The following PEPD variants were observed in gnomAD, a reference collection of about 807,000 sequenced individuals.
PEPD encodes the protein peptidase D.
PEPD carries 53 observed loss-of-function variants against 60.7 expected under a neutral mutation model. That is an observed-to-expected ratio of 0.87 (90% CI 0.70 to 1.10). The LOEUF (loss-of-function observed/expected upper bound fraction) is 1.10. Among genes scored for constraint, PEPD ranks in the 50% least tolerant of loss-of-function variants. PEPD has a pLI of 0.00. For synonymous variants in PEPD, 267 were observed against 284.1 expected, an observed-to-expected ratio of 0.94 and a Z score of 0.60; for missense variants, 711 against 711.9, an observed-to-expected ratio of 1.00 and a Z score of 0.01.
intron 9 of PEPD, among the ~76,000 whole-genome samples, chr19:33,427,446 C>T (rs948598053): frequency 1.3e-5 from 2 of 152,214 alleles, no homozygotes; most frequent in Admixed American, 6.5e-5. Context: ...TTTGGCTCCA[C>T]AGAGGATGGG....
chr19:33,501,743 C>T (rs116123735), intron 3 of PEPD, among the ~76,000 whole-genome samples: 1,702 of 152,134 alleles, frequency 0.011, 35 homozygotes, highest in African/African-American at 0.039. Flanking sequence ...CGTTCTGTCA[C>T]CCAGGCTGGA....
rs200446480 is a variant in PEPD, at chr19:33,391,278, G to A, written c.1152+17C>T. 2.8e-4 allele frequency: 454 copies of A among 1,604,012 alleles called. 5 individuals carry two copies. In the African/African-American group the frequency reaches 5.4e-3, roughly 19 times the overall value. Reference sequence around the variant, plus strand: ...AGCTGATGGGCAGGCCACTCCGCCTGCCATGTCCACACTGACCTCTGGGTA... The same window carrying A: ...AGCTGATGGGCAGGCCACTCCGCCTACCATGTCCACACTGACCTCTGGGTA... On this transcript the variant is annotated intron_variant, in intron 13 of 14. Transcript: ENST00000244137.
intron 9 of PEPD, among the ~76,000 whole-genome samples, chr19:33,414,083 G>A (rs75798014): frequency 0.023 from 3,439 of 152,328 alleles, 61 homozygotes; most frequent in South Asian, 0.068. Context: ...TGCCAGGAGG[G>A]GCTGGATCTA....
At chr19:33,481,549 A>G (rs191885133) in intron 6 of PEPD, among the ~76,000 whole-genome samples, 291 of 152,082 alleles carry the variant, frequency 1.9e-3, no homozygotes, top group African/African-American at 6.7e-3. Flanking sequence ...CTGGGTGACA[A>G]GAGTGAAACT....
intron 3 of PEPD, among the ~76,000 whole-genome samples, chr19:33,507,779 A>T (rs1970841207): frequency 1.3e-5 from 2 of 152,060 alleles, no homozygotes; most frequent in African/African-American, 2.4e-5. Context: ...AGTCCCACAT[A>T]GTCAACCCCG....
In PEPD at chr19:33,464,018, G is replaced by A; in HGVS notation, c.593C>T (p.Thr198Ile). 1 of 1,613,114 alleles carries A rather than the reference G, an allele frequency of 6.2e-7. No homozygotes were observed. Among genetic ancestry groups the A allele is most frequent in the Middle Eastern group, 1.7e-4 (1 of 6,060 alleles). The change falls in exon 8 of 15, where the codon ACC becomes ATC. Residue 198 changes from threonine to isoleucine, a missense_variant. Transcript: ENST00000244137. Reference protein sequence around the residue: ...TDMELEVLRYTNKISSEAHRE... With the variant: ...TDMELEVLRYINKISSEAHRE... ...GTGGGCCTCGCTGGAGATTTTATTG[G>A]TATAGCGCAGAACCTCCAGCTCCAT...
In PEPD at chr19:33,395,628, C is replaced by T. The variant is rs564135430; in HGVS notation, c.968-4149G>A. On this transcript the variant is annotated intron_variant, in intron 12 of 14. Transcript: ENST00000244137. ...GCACCCGCTCCTGCTGGGCCTAGGG[C>T]CCAGGCCAGCTCCTTGGAGCCTCAA... 7.9e-5 allele frequency among the ~76,000 whole-genome samples: 12 copies of T among 152,322 alleles called. No homozygotes were observed. In the South Asian group the frequency reaches 2.5e-3, roughly 32 times the overall value.
intron 9 of PEPD, among the ~76,000 whole-genome samples, chr19:33,438,226 G>C (rs768743087): frequency 3.6e-4 from 55 of 152,320 alleles, no homozygotes; most frequent in Admixed American, 1.8e-3. Context: ...AGAGCCACCT[G>C]CTTGCTGGGC....
chr19:33,516,640 G>A (rs1391810278), intron 1 of PEPD, among the ~76,000 whole-genome samples: 1 of 152,074 alleles, frequency 6.6e-6, no homozygotes, highest in African/African-American at 2.4e-5. Context: ...ACAGCCACGT[G>A]CAGGGCTCTT....
chr19:33,487,014 C>T (rs768343829), intron 6 of PEPD: 9 of 152,404 alleles, frequency 5.9e-5, no homozygotes, highest in Non-Finnish European at 1.3e-4. Context: ...TTCATCAGAG[C>T]AGTGAGAGGC....
rs772520514 is a variant in PEPD, at chr19:33,512,715, G to A, written c.79C>T (p.Arg27Trp). The A allele has an allele frequency of 1.2e-5, 19 of 1,613,984 alleles. No homozygotes were observed. In the Admixed American group the frequency reaches 1.7e-4, roughly 14 times the overall value. Reference sequence around the variant, plus strand: ...CGCAGCCGCTCACACAGGCGCTGCCGGTTCAAGGCAAAGAGCGCCAGCGGC... The same window carrying A: ...CGCAGCCGCTCACACAGGCGCTGCCAGTTCAAGGCAAAGAGCGCCAGCGGC... ...KVPLALFALN[R>W]QRLCERLRKN... Residue 27 changes from arginine (R) to tryptophan (W), a missense_variant, in exon 2 of 15, where the codon CGG (arginine) becomes TGG (tryptophan). By Grantham distance (101) the Arg-to-Trp change is moderately radical. Coordinates refer to ENST00000244137, the MANE Select transcript of PEPD (RefSeq NM_000285.4).
At chr19:33,512,471 G>C (rs1475660633) in intron 2 of PEPD, 122 bp downstream of exon 2, 2 of 937,468 alleles carry the variant, frequency 2.1e-6, no homozygotes, top group African/African-American at 3.2e-5. Flanking sequence ...CCCAGGCGAG[G>C]AAACAGAGGC....
intron 12 of PEPD, among the ~76,000 whole-genome samples, chr19:33,392,397 C>G (rs1968245069): frequency 6.6e-6 from 1 of 152,242 alleles, no homozygotes; most frequent in South Asian, 2.1e-4. Context: ...AGCCTCTCCT[C>G]ATGGTAGCTT....
At chr19:33,428,982 T>C (rs1032112623) in intron 9 of PEPD, among the ~76,000 whole-genome samples, 3 of 152,166 alleles carry the variant, frequency 2.0e-5, no homozygotes, top group African/African-American at 7.2e-5. Context: ...AGCCCTGTGT[T>C]CACTCTGCTT....
intron 6 of PEPD, 49 bp from the exon 7 acceptor site, chr19:33,478,139 T>C: frequency 7.5e-7 from 1 of 1,328,496 alleles, no homozygotes; most frequent in Non-Finnish European, 1.1e-6. Flanking sequence ...GTCTGTCATG[T>C]CCCAGCAAGA....
At chr19:33,396,500 G>A (rs1008250374) in intron 12 of PEPD, among the ~76,000 whole-genome samples, 7 of 152,166 alleles carry the variant, frequency 4.6e-5, no homozygotes, top group Admixed American at 2.6e-4. Flanking sequence ...ACCTCACATT[G>A]GCAGCACCCC....
At chr19:33,442,055 T>C (rs532059189) in intron 9 of PEPD, among the ~76,000 whole-genome samples, 1 of 152,330 alleles carries the variant, frequency 6.6e-6, no homozygotes, top group South Asian at 2.1e-4. Context: ...TGGTGTGATC[T>C]TGGACAGGTT....
At chr19:33,490,180 A>G in intron 5 of PEPD, 123 bp from the exon 6 acceptor site, 1 of 714,808 alleles carries the variant, frequency 1.4e-6, no homozygotes, top group Non-Finnish European at 2.6e-6. Context: ...CCTTCCCCCA[A>G]CAGATGAGCC....
intron 13 of PEPD, among the ~76,000 whole-genome samples, chr19:33,390,416 A>G (rs750061324): frequency 1.7e-4 from 26 of 152,248 alleles, no homozygotes; most frequent in Non-Finnish European, 7.3e-5. Flanking sequence ...TTGAATAATA[A>G]TGCTTCTCTT....
Sources: allele counts gnomAD v4.1 joint callset (sites outside exome capture counted in the v4.1 genomes callset), GRCh38; gene constraint gnomAD v4.1.1; transcripts MANE v1.5; gene names NCBI Gene and HGNC (gene_info 2026-07-23, HGNC 2026-07-21).